RPF2: variants seen among roughly 807,000 people sequenced by gnomAD.
RPF2 encodes ribosome production factor 2 homolog, also known as brix domain containing 1.
RPF2 carries 21 observed loss-of-function variants against 38.9 expected under a neutral mutation model. That is an observed-to-expected ratio of 0.54 (90% confidence interval 0.38 to 0.78). The LOEUF is 0.78. Ranked by LOEUF, RPF2 falls within the 30% of genes least tolerant of loss-of-function variation. The probability of loss-of-function intolerance (pLI) is 0.00; values close to 1 mark genes in which losing one functional copy is unlikely to be tolerated. For missense variants in RPF2, 314 were observed against 358.1 expected (o/e 0.88, Z 0.99); for synonymous variants, 121 against 126.2 (o/e 0.96, Z 0.28).
chr6:111,001,933 C>T (rs1412699450), intron 6 of RPF2, among the ~76,000 whole-genome samples: 1 of 152,192 alleles, frequency 6.6e-6, no homozygotes, highest in Non-Finnish European at 1.5e-5. Flanking sequence ...TGCTTGAAGC[C>T]AGGAATTTGA....
At chr6:111,018,891 A>C (rs544069416) in intron 8 of RPF2, among the ~76,000 whole-genome samples, 25 of 152,308 alleles carry the variant, frequency 1.6e-4, no homozygotes, top group African/African-American at 6.0e-4. Flanking sequence ...TTTAGAGAAC[A>C]AGAAATAAAA....
intron 8 of RPF2, among the ~76,000 whole-genome samples, chr6:111,017,163 C>T (rs1210279538): frequency 3.9e-5 from 6 of 152,334 alleles, no homozygotes; most frequent in East Asian, 1.9e-4. Context: ...AAACCGCCAT[C>T]GTCATCATGG....
intron 2 of RPF2, among the ~76,000 whole-genome samples, chr6:110,987,977 C>T (rs529574329): frequency 6.6e-6 from 1 of 152,064 alleles, no homozygotes; most frequent in Admixed American, 6.6e-5. Flanking sequence ...CAAAGTGAGA[C>T]CCCATCTCTA....
At chr6:111,020,319 G>A (rs547210472) in intron 8 of RPF2, among the ~76,000 whole-genome samples, 19 of 152,214 alleles carry the variant, frequency 1.2e-4, no homozygotes, top group East Asian at 3.9e-4. Context: ...GCATTCAAGC[G>A]ATTCTCCTGC....
intron 2 of RPF2, among the ~76,000 whole-genome samples, chr6:110,987,168 G>C (rs2114290374): frequency 6.6e-6 from 1 of 152,058 alleles, no homozygotes; most frequent in East Asian, 1.9e-4. Context: ...CCCGGGTTCA[G>C]GCGATTCTCC....
At chr6:111,001,877 C>G (rs1045625786) in intron 6 of RPF2, among the ~76,000 whole-genome samples, 4 of 152,218 alleles carry the variant, frequency 2.6e-5, no homozygotes, top group African/African-American at 9.6e-5. Context: ...AGTCCAGGCT[C>G]TCATGCCTGT....
intron 3 of RPF2, 87 bp downstream of exon 3, chr6:110,989,152 AC>A: frequency 2.3e-6 from 3 of 1,293,442 alleles, no homozygotes; most frequent in Non-Finnish European, 3.0e-6. Context: ...GAAAACAAAA[AC>A]TTTTTAAAAA....
At chr6:111,024,414 T>C (rs1285859731) in intron 9 of RPF2, 87 bp downstream of exon 9, 1 of 1,368,604 alleles carries the variant, frequency 7.3e-7, no homozygotes, top group Non-Finnish European at 9.8e-7. Context: ...TGGCATATTA[T>C]ATTAAAAGAC....
chr6:111,014,758 T>C (rs1177790078), intron 7 of RPF2, among the ~76,000 whole-genome samples: 1 of 152,244 alleles, frequency 6.6e-6, no homozygotes, highest in Non-Finnish European at 1.5e-5. Context: ...CCAAACTTCT[T>C]TCATAGCCAA....
intron 4 of RPF2, among the ~76,000 whole-genome samples, chr6:110,996,124 G>GT (rs35806882): frequency 0.049 from 5,950 of 122,594 alleles, 163 homozygotes; most frequent in African/African-American, 0.11. Flanking sequence ...AGCCAGATAA[G>GT]TTTTTTTTTT....
intron 4 of RPF2, among the ~76,000 whole-genome samples, chr6:110,993,784 A>G (rs968566585): frequency 2.0e-5 from 3 of 152,182 alleles, no homozygotes; most frequent in Non-Finnish European, 2.9e-5. Flanking sequence ...CGGAGCTCAA[A>G]ATGGCTATGG....
Position 111,025,744 on chromosome 6 carries a change from A to C in RPF2, c.*162A>C, listed in dbSNP as rs1772317466. On this transcript the variant is annotated 3_prime_UTR_variant, in exon 10 of 10. Transcript: ENST00000441448. ...CAGTAATATACTAGTATTAAGTGTAAAGTAAGCCTTTTATTTGAGACATTA... is the reference window on the plus strand; with the variant it reads ...CAGTAATATACTAGTATTAAGTGTACAGTAAGCCTTTTATTTGAGACATTA... The C allele has an allele frequency of 2.0e-6, 1 of 509,664 alleles. No individual in the cohort carries two copies. The highest frequency in any genetic ancestry group is 3.3e-5 in the East Asian group (1 of 30,300). The allele number at this position is 509,664 out of a possible 1,614,324, so 31.6% of individuals were successfully genotyped here.
Position 110,989,055 on chromosome 6 carries a change from C to G in RPF2, c.184C>G (p.Leu62Val), listed in dbSNP as rs1193069785. ...TGCACTGAAAAAACCATACGGTGTACTATATAAAAAGTAAGTCATGATTTC... is the reference window on the plus strand; with the variant it reads ...TGCACTGAAAAAACCATACGGTGTAGTATATAAAAAGTAAGTCATGATTTC... ...VYALKKPYGVLYKKKNITRPF... is the reference protein window; with the variant it reads ...VYALKKPYGVVYKKKNITRPF... Residue 62 changes from leucine to valine, a missense_variant, in exon 3 of 10, where the codon CTA becomes GTA. Physicochemically the swap from Leu to Val is conservative, Grantham distance 32 (BLOSUM62 1). Transcript: ENST00000441448. 3.8e-6 allele frequency: 6 copies of G among 1,572,636 alleles called. No homozygotes were observed. Among genetic ancestry groups the G allele is most frequent in the Non-Finnish European group, 5.2e-6 (6 of 1,163,732 alleles).
At chr6:110,986,810 G>A (rs1030448776) in intron 2 of RPF2, among the ~76,000 whole-genome samples, 4 of 151,928 alleles carry the variant, frequency 2.6e-5, no homozygotes, top group South Asian at 4.2e-4. Context: ...AAATTAGCCA[G>A]CCATGGTGGT....
intron 4 of RPF2, among the ~76,000 whole-genome samples, chr6:110,992,446 T>C (rs1771636293): frequency 8.7e-6 from 1 of 115,240 alleles, no homozygotes; most frequent in South Asian, 2.9e-4. Context: ...ATGTTTTTAC[T>C]TTTTTTTTTT....
intron 7 of RPF2, among the ~76,000 whole-genome samples, chr6:111,009,447 C>A (rs1771975712): frequency 6.6e-6 from 1 of 151,968 alleles, no homozygotes; most frequent in African/African-American, 2.4e-5. Context: ...CCCTCCTTGG[C>A]CTCCCAAAAT....
At chr6:111,004,714 T>C (rs543036599) in intron 6 of RPF2, among the ~76,000 whole-genome samples, 2 of 151,882 alleles carry the variant, frequency 1.3e-5, no homozygotes, top group South Asian at 4.2e-4. Flanking sequence ...AAGTAGCTGG[T>C]TGAGCCACCA....
intron 4 of RPF2, among the ~76,000 whole-genome samples, chr6:110,993,514 G>T (rs1002558338): frequency 1.7e-4 from 26 of 152,044 alleles, no homozygotes; most frequent in African/African-American, 5.8e-4. Context: ...AAAAATATAA[G>T]ATTTATCTCA....
intron 7 of RPF2, among the ~76,000 whole-genome samples, chr6:111,014,143 T>C (rs1300370472): frequency 1.4e-5 from 2 of 143,456 alleles, no homozygotes; most frequent in Non-Finnish European, 3.1e-5. Context: ...TTTTTTGGGT[T>C]TTTTTTTTTT....
Sources: allele counts gnomAD v4.1 joint callset (sites outside exome capture counted in the v4.1 genomes callset), GRCh38; gene constraint gnomAD v4.1.1; transcripts MANE v1.5; gene names NCBI Gene and HGNC (gene_info 2026-07-23, HGNC 2026-07-21).